Variants in PEAK1 observed in about 807,000 individuals in gnomAD.
PEAK1 encodes the protein pseudopodium enriched atypical kinase 1.
Under a neutral mutation model 124.7 loss-of-function variants are expected in PEAK1, and 54 were observed. The observed-to-expected ratio is 0.43, with a 90% CI of 0.35 to 0.54. The LOEUF is 0.54. Ranked by LOEUF, PEAK1 falls within the 20% of genes least tolerant of loss-of-function variation. The pLI is 0.01. For missense variants in PEAK1, 2,046 were observed against 2,134.5 expected (o/e 0.96, Z 0.82); for synonymous variants, 719 against 760.0 (o/e 0.95, Z 0.89).
At chr15:77,377,374 ACT>A (rs1217687479) in intron 1 of PEAK1, among the ~76,000 whole-genome samples, 1 of 152,072 alleles carries the variant, frequency 6.6e-6, no homozygotes, top group Non-Finnish European at 1.5e-5. Flanking sequence ...ACAGAGTGAG[ACT>A]CTGTCTCAAA....
At chr15:77,148,919 C>T (rs765229730) in intron 8 of PEAK1, among the ~76,000 whole-genome samples, 13 of 151,712 alleles carry the variant, frequency 8.6e-5, no homozygotes, top group Non-Finnish European at 1.3e-4. Flanking sequence ...AAGACCCTGT[C>T]GCTAAGAAAA....
intron 5 of PEAK1, among the ~76,000 whole-genome samples, chr15:77,265,374 T>A: frequency 6.6e-6 from 1 of 151,900 alleles, no homozygotes; most frequent in Non-Finnish European, 1.5e-5. Flanking sequence ...AGGGCTAATA[T>A]CCAGAATCTA....
intron 2 of PEAK1, chr15:77,331,078 A>T (rs978044092): frequency 2.7e-6 from 2 of 743,042 alleles, no homozygotes; most frequent in Non-Finnish European, 3.3e-6. Flanking sequence ...TTATAGACAT[A>T]TACTATGTAG....
Position 77,158,710 on chromosome 15 carries a change from G to A in PEAK1, c.3138-14C>T. On this transcript the variant is annotated splice_polypyrimidine_tract_variant and intron_variant, in intron 7 of 9. Coordinates refer to ENST00000682557, the MANE Select transcript of PEAK1 (RefSeq NM_001385026.1). Reference sequence around the variant, plus strand: ...TGGGTCATGTGACTGAAACAAATCAGACCACTTGTCACACTGGTATTGGAA... The same window carrying A: ...TGGGTCATGTGACTGAAACAAATCAAACCACTTGTCACACTGGTATTGGAA... 3 of 1,608,190 alleles carry A rather than the reference G, an allele frequency of 1.9e-6. No individual in the cohort carries two copies. The highest frequency in any genetic ancestry group is 1.7e-6 in the Non-Finnish European group (2 of 1,174,912).
rs1216011901 is a variant in PEAK1 at position 77,313,708 on chromosome 15, ATGTGTGTGTG to A, written c.-602-27214_-602-27205del. On this transcript the variant is annotated intron_variant, in intron 2 of 9. Coordinates refer to ENST00000682557, the MANE Select transcript of PEAK1 (RefSeq NM_001385026.1). ...TGTGTGTGTGTATATATATATATGT[ATGTGTGTGTG>A]TGTGTGTGTATATATATATATATTT... Among the ~76,000 whole-genome samples the A allele has an allele frequency of 2.8e-3, 259 of 93,746 alleles. 2 individuals carry two copies. Among genetic ancestry groups the A allele is most frequent in the Middle Eastern group, 0.016 (3 of 184 alleles). The allele number at this position is 93,746 out of a possible 152,430, so 61.5% of individuals were successfully genotyped here. A position where few individuals can be genotyped will look rare whatever the true frequency, so the allele number is the denominator to read the frequency against.
Position 77,133,034 on chromosome 15 carries a change from T to C in PEAK1, c.4048A>G (p.Lys1350Glu), listed in dbSNP as rs563018980. ...DAVYYTASYA[K>E]DPLNNYAVKI... ...ACTGCATAGTTATTAAGTGGATCTTTTGCATATGAAGCAGTATAGTAAACC... is the reference window on the plus strand; with the variant it reads ...ACTGCATAGTTATTAAGTGGATCTTCTGCATATGAAGCAGTATAGTAAACC... Residue 1350 changes from lysine to glutamate, a missense_variant, in exon 9 of 10, where the codon AAA (lysine) becomes GAA (glutamate). Physicochemically the swap from Lys to Glu is moderately conservative, Grantham distance 56. Transcript: ENST00000682557. This position sits in a 1 kb window ranked among gnomAD's most constrained non-coding sequence, Gnocchi z 4.2. 78 of 1,611,394 alleles carry C rather than the reference T, an allele frequency of 4.8e-5. 2 individuals are homozygous for C. In the South Asian group the frequency reaches 7.9e-4, roughly 16 times the overall value.
At chr15:77,304,311 C>T (rs752969698) in intron 2 of PEAK1, among the ~76,000 whole-genome samples, 43 of 152,172 alleles carry the variant, frequency 2.8e-4, no homozygotes, top group Admixed American at 2.1e-3. Flanking sequence ...TCCATGAACA[C>T]AGAATCTCTC....
intron 6 of PEAK1, among the ~76,000 whole-genome samples, chr15:77,244,640 C>G (rs908572698): frequency 6.6e-6 from 1 of 151,618 alleles, no homozygotes; most frequent in African/African-American, 2.4e-5. Context: ...CCAGGCTGGA[C>G]TGCAGTGGCA....
At chr15:77,252,065 T>C (rs2060907836) in intron 6 of PEAK1, among the ~76,000 whole-genome samples, 1 of 152,238 alleles carries the variant, frequency 6.6e-6, no homozygotes, top group Admixed American at 6.5e-5. Context: ...AGATCCCTCA[T>C]GGGCTAAGCT....
chr15:77,280,307 C>T (rs970150181), intron 5 of PEAK1, among the ~76,000 whole-genome samples: 1 of 152,122 alleles, frequency 6.6e-6, no homozygotes, highest in Non-Finnish European at 1.5e-5. Context: ...TGCCACTGCA[C>T]TCCAGCCTGG....
At chr15:77,287,395 G>T (rs1384941992) in intron 2 of PEAK1, among the ~76,000 whole-genome samples, 1 of 152,150 alleles carries the variant, frequency 6.6e-6, no homozygotes, top group African/African-American at 2.4e-5. Context: ...TTTTCCAGCT[G>T]ACCAAATAAG....
Position 77,319,253 on chromosome 15 carries a change from T to TA in PEAK1, c.-602-32750dup, listed in dbSNP as rs201595105. On this transcript the variant is annotated intron_variant, in intron 2 of 9. Coordinates refer to ENST00000682557, the MANE Select transcript of PEAK1 (RefSeq NM_001385026.1). ...GAAATAATTTGCCCCAAATGTAGTT[T>TA]AAAAAAAAAAAAAAGCGTGCCCTAG... 2.7e-3 allele frequency among the ~76,000 whole-genome samples: 372 copies of TA among 139,874 alleles called. 4 individuals carry two copies. Among genetic ancestry groups the TA allele is most frequent in the African/African-American group, 7.0e-3 (266 of 38,158 alleles). 91.8% of individuals were successfully genotyped at this position (139,874 alleles called of 152,430 possible).
chr15:77,128,790 C>T (rs1487046508), intron 9 of PEAK1, among the ~76,000 whole-genome samples: 1 of 152,116 alleles, frequency 6.6e-6, no homozygotes, highest in African/African-American at 2.4e-5. Context: ...ACAAATCATA[C>T]CTTGAATCTC....
At chr15:77,318,715 C>T (rs933147778) in intron 2 of PEAK1, among the ~76,000 whole-genome samples, 2 of 151,374 alleles carry the variant, frequency 1.3e-5, no homozygotes, top group African/African-American at 4.9e-5. Context: ...AGAATAAATA[C>T]CTATTCTAAT....
At chr15:77,415,450 A>C (rs1181276284) in intron 1 of PEAK1, among the ~76,000 whole-genome samples, 1 of 152,144 alleles carries the variant, frequency 6.6e-6, no homozygotes, top group Non-Finnish European at 1.5e-5. Context: ...TTTAAGAGAT[A>C]GGGTCTCATT....
intron 2 of PEAK1, among the ~76,000 whole-genome samples, chr15:77,327,896 A>AAGG (rs1225200405): frequency 6.6e-6 from 1 of 152,112 alleles, no homozygotes; most frequent in Admixed American, 6.6e-5. Flanking sequence ...ATGGAAGAAG[A>AAGG]AGGAAAAAAA....
At chr15:77,397,196 T>A (rs562090493) in intron 1 of PEAK1, among the ~76,000 whole-genome samples, 1 of 152,254 alleles carries the variant, frequency 6.6e-6, no homozygotes, top group South Asian at 2.1e-4. Context: ...GTAAACAATA[T>A]GCTCCTGAAT....
rs574017577 is a variant in PEAK1, at chr15:77,113,867, T to C, written c.*289A>G. The C allele has an allele frequency of 4.0e-5, 16 of 399,446 alleles. No individual in the cohort carries two copies. Among genetic ancestry groups the C allele is most frequent in the Middle Eastern group, 7.0e-4 (1 of 1,438 alleles). The allele number at this position is 399,446 out of a possible 1,614,324, so 24.7% of individuals were successfully genotyped here. ...CAAAGAAGCTGTCCCTTCAAGAATA[T>C]GGATTTTCATTTTTACCTGCATTTA... On this transcript the variant is annotated 3_prime_UTR_variant, in exon 10 of 10. Coordinates refer to ENST00000682557, the MANE Select transcript of PEAK1 (RefSeq NM_001385026.1).
chr15:77,104,951 C>A (rs2050731828), downstream of PEAK1: 1 of 152,224 alleles, frequency 6.6e-6, no homozygotes, highest in African/African-American at 2.4e-5. Flanking sequence ...GGAAGAGGAG[C>A]ATCTCAGCTC....
Sources: allele counts gnomAD v4.1 joint callset (sites outside exome capture counted in the v4.1 genomes callset), GRCh38; gene constraint gnomAD v4.1.1; non-coding constraint Gnocchi (gnomAD v3.1); transcripts MANE v1.5; gene names NCBI Gene and HGNC (gene_info 2026-07-23, HGNC 2026-07-21).